MIA2: variants seen among roughly 807,000 people sequenced by gnomAD.
The protein encoded by MIA2 is MIA SH3 domain ER export factor 2, also known as melanoma inhibitory activity protein 2.
Under a neutral mutation model 167.8 loss-of-function variants are expected in MIA2, and 127 were observed. The ratio of observed to expected loss-of-function variants is 0.76; its 90% confidence interval spans 0.66 to 0.88. The LOEUF is 0.88. MIA2 is among the 40% of genes least tolerant of loss of function. The pLI, the probability that MIA2 is intolerant of heterozygous loss-of-function variation, is 0.00. For synonymous variants in MIA2, 552 were observed against 541.9 expected (o/e 1.02, Z -0.26); for missense variants, 1,690 against 1,624.7 (o/e 1.04, Z -0.69).
chr14:39,235,039 G>GT (rs1221496521), intron 1 of MIA2, among the ~76,000 whole-genome samples: 161 of 144,004 alleles, frequency 1.1e-3, no homozygotes, highest in Middle Eastern at 3.7e-3. Flanking sequence ...TACCTTTTTG[G>GT]TTTTTTTTTT....
chr14:39,353,252 TATC>T (rs776527295), downstream of MIA2, among the ~76,000 whole-genome samples: 170 of 152,310 alleles, frequency 1.1e-3, 1 homozygote, highest in Non-Finnish European at 2.0e-3. Context: ...TGTTACTAAG[TATC>T]ATCACTATCA....
intron 25 of MIA2, among the ~76,000 whole-genome samples, chr14:39,336,125 T>C (rs1032616940): frequency 6.6e-6 from 1 of 152,214 alleles, no homozygotes; most frequent in Non-Finnish European, 1.5e-5. Context: ...TACCCAGTAA[T>C]GGGATTGCTG....
intron 25 of MIA2, among the ~76,000 whole-genome samples, chr14:39,343,646 T>C (rs752723545): frequency 1.3e-5 from 2 of 152,190 alleles, no homozygotes; most frequent in East Asian, 1.9e-4. Flanking sequence ...ATGTCTTCTA[T>C]TATAAGCGTA....
In MIA2 at chr14:39,364,270, A is replaced by C. The variant is rs1464757488; in HGVS notation, c.2248+15293A>C. On this transcript the variant is annotated intron_variant, in intron 23 of 23. Transcript: ENST00000341502. ...CTACTCAGGAGGCTGAGGCAGGAGA[A>C]TCACTTGAACCCAAGAGGCAGAAGT... 2.6e-5 allele frequency among the ~76,000 whole-genome samples: 4 copies of C among 152,198 alleles called. 1 individual carries two copies. In the South Asian group the frequency reaches 6.2e-4, roughly 24 times the overall value.
chr14:39,274,048 C>T (rs1171633275), intron 6 of MIA2, among the ~76,000 whole-genome samples: 2 of 151,980 alleles, frequency 1.3e-5, no homozygotes, highest in Non-Finnish European at 2.9e-5. Context: ...TTAGTTTATT[C>T]TTAGTATATT....
intron 17 of MIA2, among the ~76,000 whole-genome samples, chr14:39,305,781 C>T (rs577645041): frequency 1.0e-3 from 159 of 152,036 alleles, no homozygotes; most frequent in African/African-American, 3.6e-3. Flanking sequence ...ACTAAAAATA[C>T]GAAAATTAGT....
At chr14:39,290,645 C>T (rs959543668) in intron 9 of MIA2, among the ~76,000 whole-genome samples, 1 of 152,210 alleles carries the variant, frequency 6.6e-6, no homozygotes, top group Non-Finnish European at 1.5e-5. Context: ...CATAATTAGA[C>T]AGCTTACGTA....
chr14:39,240,023 A>T (rs1428845045), intron 2 of MIA2, among the ~76,000 whole-genome samples: 1 of 152,174 alleles, frequency 6.6e-6, no homozygotes, highest in East Asian at 1.9e-4. Flanking sequence ...GGTGAAGAGG[A>T]TCTCTGTTAT....
At chr14:39,312,367 C>T (rs967054260) in intron 18 of MIA2, among the ~76,000 whole-genome samples, 1 of 152,220 alleles carries the variant, frequency 6.6e-6, no homozygotes, top group African/African-American at 2.4e-5. Context: ...TTTCTTATAA[C>T]ATCCATGAAA....
At chr14:39,315,969 G>A (rs1482075707) in intron 21 of MIA2, among the ~76,000 whole-genome samples, 2 of 152,124 alleles carry the variant, frequency 1.3e-5, no homozygotes, top group Non-Finnish European at 2.9e-5. Context: ...CCATGGGGAA[G>A]GTGATATAAT....
In MIA2 at chr14:39,302,192, G is replaced by A; in HGVS notation, c.2683G>A (p.Asp895Asn). 1.2e-6 allele frequency: 2 copies of A among 1,613,924 alleles called. No homozygotes were observed. The highest frequency in any genetic ancestry group is 1.7e-6 in the Non-Finnish European group (2 of 1,179,856). ...TGCTATGCTTGGAGAAGACATAACGGATGATGATAACTTGGAATTAGAAAT... is the reference window on the plus strand; with the variant it reads ...TGCTATGCTTGGAGAAGACATAACGAATGATGATAACTTGGAATTAGAAAT... ...WAAMLGEDIT[D>N]DDNLELEMNS... The change falls in exon 15 of 29, where the codon GAT (aspartate) becomes AAT (asparagine). Residue 895 changes from aspartate to asparagine, a missense_variant. Transcript: ENST00000640607.
chr14:39,239,062 A>G (rs888873735), intron 2 of MIA2, among the ~76,000 whole-genome samples: 1 of 152,122 alleles, frequency 6.6e-6, no homozygotes, highest in East Asian at 1.9e-4. Context: ...TCACTTCCAT[A>G]TTACATATGC....
chr14:39,346,133 G>T, intron 26 of MIA2, 107 bp downstream of exon 26: 1 of 857,034 alleles, frequency 1.2e-6, no homozygotes, highest in Non-Finnish European at 1.9e-6. Context: ...TAGTTCCTAA[G>T]GCCAAAATCT....
intron 9 of MIA2, among the ~76,000 whole-genome samples, chr14:39,280,534 T>C (rs982250832): frequency 3.3e-5 from 5 of 151,950 alleles, no homozygotes; most frequent in African/African-American, 7.3e-5. Flanking sequence ...AGATCGAGAC[T>C]ATCCTGGCTA....
At chr14:39,254,302 G>A (rs543890701) in intron 6 of MIA2, among the ~76,000 whole-genome samples, 2 of 152,188 alleles carry the variant, frequency 1.3e-5, no homozygotes, top group Non-Finnish European at 2.9e-5. Context: ...GAGTTTGATT[G>A]AACATAGGCT....
chr14:39,259,954 C>T (rs548009204), intron 6 of MIA2, among the ~76,000 whole-genome samples: 11 of 152,104 alleles, frequency 7.2e-5, no homozygotes, highest in Middle Eastern at 3.4e-3. Flanking sequence ...TGAGAACATG[C>T]GGTGTTTGGT....
chr14:39,279,381 ACT>A lies in MIA2; in HGVS notation c.2041+27_2041+28del, dbSNP rs546451296. 3,079 of 1,606,886 alleles carry A rather than the reference ACT, an allele frequency of 1.9e-3. 16 individuals carry two copies. Among genetic ancestry groups the A allele is most frequent in the Middle Eastern group, 7.0e-3 (42 of 6,000 alleles). ...TGGGTAAGTTCTTTTTTCTGCTTTG[ACT>A]CTCATTGTTGTGTTGTAAAAACTTA... On this transcript the variant is annotated intron_variant, in intron 8 of 28. Coordinates refer to ENST00000640607, the MANE Select transcript of MIA2 (RefSeq NM_001329214.4).
At chr14:39,301,764 T>C (rs1430872043) in intron 14 of MIA2, among the ~76,000 whole-genome samples, 1 of 152,228 alleles carries the variant, frequency 6.6e-6, no homozygotes, top group African/African-American at 2.4e-5. Flanking sequence ...ACATTATGTA[T>C]CTCACTGCAG....
chr14:39,264,726 A>G (rs1309133196), intron 6 of MIA2, among the ~76,000 whole-genome samples: 2 of 152,236 alleles, frequency 1.3e-5, no homozygotes, highest in African/African-American at 4.8e-5. Flanking sequence ...CCAAAAGAGT[A>G]AATCTTAAAG....
Sources: allele counts gnomAD v4.1 joint callset (sites outside exome capture counted in the v4.1 genomes callset), GRCh38; gene constraint gnomAD v4.1.1; transcripts MANE v1.5; gene names NCBI Gene and HGNC (gene_info 2026-07-23, HGNC 2026-07-21).